The following AKAP6 variants were observed in gnomAD, a reference collection of about 807,000 sequenced individuals.
The protein encoded by AKAP6 is A-kinase anchor protein 6.
AKAP6 carries 58 observed loss-of-function variants against 188.5 expected under a neutral mutation model. That is an observed-to-expected ratio of 0.31 (90% CI 0.25 to 0.38). The LOEUF (loss-of-function observed/expected upper bound fraction) is 0.38. AKAP6 is among the 10% of genes least tolerant of loss of function. The pLI, the probability that AKAP6 is intolerant of heterozygous loss-of-function variation, is 1.00. For synonymous variants in AKAP6, 989 were observed against 998.6 expected (o/e 0.99, Z 0.18); for missense variants, 2,710 against 2,740.0 (o/e 0.99, Z 0.24).
At chr14:32,683,375 A>C (rs969593843) in intron 8 of AKAP6, among the ~76,000 whole-genome samples, 1 of 152,150 alleles carries the variant, frequency 6.6e-6, no homozygotes, top group African/African-American at 2.4e-5. Context: ...TTAATGGAGC[A>C]TGTGGAGACT....
intron 5 of AKAP6, among the ~76,000 whole-genome samples, chr14:32,586,695 G>A (rs913148440): frequency 5.9e-5 from 9 of 152,122 alleles, no homozygotes; most frequent in South Asian, 2.1e-4. Context: ...GTAATAATTC[G>A]AAGTCAATAA....
At chr14:32,763,618 G>T (rs2032610287) in intron 11 of AKAP6, among the ~76,000 whole-genome samples, 1 of 152,082 alleles carries the variant, frequency 6.6e-6, no homozygotes, top group African/African-American at 2.4e-5. Context: ...CAATATTTCT[G>T]CCTGACTCCT....
chr14:32,573,573 T>A (rs1884587104), intron 4 of AKAP6, among the ~76,000 whole-genome samples: 1 of 152,182 alleles, frequency 6.6e-6, no homozygotes, highest in Admixed American at 6.5e-5. Context: ...CTGCTGAAAT[T>A]TTTGCCACAA....
At chr14:32,347,811 A>T (rs1466181562) in intron 1 of AKAP6, among the ~76,000 whole-genome samples, 1 of 152,224 alleles carries the variant, frequency 6.6e-6, no homozygotes, top group Non-Finnish European at 1.5e-5. Flanking sequence ...TAATAGTCCA[A>T]CGTTAAAAAG....
At chr14:32,726,223 T>C (rs1345999667) in intron 9 of AKAP6, 3 of 980,998 alleles carry the variant, frequency 3.1e-6, no homozygotes, top group Non-Finnish European at 3.6e-6. Context: ...AGGAGAAAAC[T>C]TAGAAGTGAG....
At chr14:32,746,486 G>A (rs528623146) in intron 11 of AKAP6, among the ~76,000 whole-genome samples, 12 of 152,222 alleles carry the variant, frequency 7.9e-5, no homozygotes, top group African/African-American at 2.2e-4. Context: ...GTCCTGGAAC[G>A]GGGGCCTTAA....
chr14:32,538,226 A>G (rs1882771796), intron 3 of AKAP6, among the ~76,000 whole-genome samples: 1 of 152,208 alleles, frequency 6.6e-6, no homozygotes, highest in Non-Finnish European at 1.5e-5. Context: ...TGCTAGCACA[A>G]TGGAATTGTA....
chr14:32,614,372 T>C (rs981413322), intron 7 of AKAP6, among the ~76,000 whole-genome samples: 3 of 152,222 alleles, frequency 2.0e-5, no homozygotes, highest in African/African-American at 7.2e-5. Flanking sequence ...ATGAAATCTC[T>C]GGAAAGCCTG....
rs937262604 is a variant in AKAP6 at position 32,513,692 on chromosome 14, G to A, written c.325-21862G>A. Among the ~76,000 whole-genome samples, 4 of 151,804 alleles carry A rather than the reference G, an allele frequency of 2.6e-5. No homozygotes were observed. In the South Asian group the frequency reaches 6.2e-4, roughly 24 times the overall value. On this transcript the variant is annotated intron_variant, in intron 2 of 13. Coordinates refer to ENST00000280979, the MANE Select transcript of AKAP6 (RefSeq NM_004274.5). ...ATTTTTTTTCTTATTTCTCACAAAA[G>A]AAATACATCTCTAGTGGAGAAAAAT... is the stretch of plus-strand genomic sequence containing the variant.
chr14:32,824,067 C>T lies in AKAP6; in HGVS notation c.6254C>T (p.Thr2085Ile), dbSNP rs1158673196. The T allele has an allele frequency of 3.3e-5, 53 of 1,613,792 alleles. No individual in the cohort carries two copies. The highest frequency in any genetic ancestry group is 4.5e-5 in the Non-Finnish European group (53 of 1,179,928). ...SQPENEVAAPTSLTQIKEKVL... is the reference protein window; with the variant it reads ...SQPENEVAAPISLTQIKEKVL... ...CCTGAAAACGAGGTGGCTGCTCCTA[C>T]TTCATTAACTCAAATCAAGGAGAAA... Residue 2085 changes from threonine to isoleucine, a missense_variant, in exon 13 of 14, where the codon ACT becomes ATT. By Grantham distance (89) the Thr-to-Ile change is moderately conservative (BLOSUM62 -1). Around this residue, in one of 2 missense-constraint regions of AKAP6, gnomAD observed 2,473 missense variants for 2,426.1 expected, o/e 1.02. Transcript: ENST00000280979.
Position 32,546,367 on chromosome 14 carries a change from A to T in AKAP6, c.1714A>T (p.Thr572Ser), listed in dbSNP as rs779603009. 4.3e-6 allele frequency: 7 copies of T among 1,614,196 alleles called. No homozygotes were observed. Among genetic ancestry groups the T allele is most frequent in the Non-Finnish European group, 5.9e-6 (7 of 1,180,034 alleles). The change falls in exon 4 of 14, where the codon ACA becomes TCA. Residue 572 changes from threonine (T) to serine (S), a missense_variant. By Grantham distance (58) the Thr-to-Ser change is moderately conservative. Transcript: ENST00000280979. Reference protein sequence around the residue: ...WNAKLQLQSETSSSPAFTQSS... With the variant: ...WNAKLQLQSESSSSPAFTQSS... ...TGCCAAATTGCAATTGCAGTCAGAA[A>T]CATCCAGTTCACCAGCTTTTACTCA...
intron 3 of AKAP6, among the ~76,000 whole-genome samples, chr14:32,541,404 C>T (rs1200539351): frequency 6.6e-6 from 1 of 151,924 alleles, no homozygotes; most frequent in African/African-American, 2.4e-5. Context: ...TCGAGCAAGA[C>T]AGTACCCTGG....
chr14:32,427,421 A>G (rs984898965), intron 1 of AKAP6, among the ~76,000 whole-genome samples: 1 of 152,186 alleles, frequency 6.6e-6, no homozygotes, highest in Non-Finnish European at 1.5e-5. Context: ...AATACTTGGC[A>G]GCAACTCTTT....
intron 2 of AKAP6, among the ~76,000 whole-genome samples, chr14:32,434,423 G>T (rs1280627673): frequency 6.6e-6 from 1 of 152,196 alleles, no homozygotes; most frequent in Non-Finnish European, 1.5e-5. Flanking sequence ...TAATGAAATG[G>T]AGTTGCTAGT....
chr14:32,397,374 T>A (rs1025978922), intron 1 of AKAP6, among the ~76,000 whole-genome samples: 2 of 148,756 alleles, frequency 1.3e-5, no homozygotes, highest in Non-Finnish European at 3.0e-5. Context: ...CACTTTTTAT[T>A]GTCTTTTTTT....
Position 32,568,911 on chromosome 14 carries a change from A to G in AKAP6, c.2347-8209A>G, listed in dbSNP as rs780784557. On this transcript the variant is annotated intron_variant, in intron 4 of 13. Transcript: ENST00000280979. The surrounding 1 kb of genome is among the most constrained non-coding windows in gnomAD (Gnocchi z 6.2). ...TTTTTATTAGACTTTGATGATATGC[A>G]TTCCAATCTTGTTTTGCCCTTAGAA... 3.9e-4 allele frequency among the ~76,000 whole-genome samples: 60 copies of G among 152,260 alleles called. 1 individual carries two copies. The Middle Eastern group carries it at 0.014, about 35-fold the overall frequency.
intron 2 of AKAP6, among the ~76,000 whole-genome samples, chr14:32,458,357 A>G (rs1457477478): frequency 6.6e-6 from 1 of 152,160 alleles, no homozygotes; most frequent in Admixed American, 6.5e-5. Context: ...TAAAGTAAGG[A>G]TAAATACTGA....
chr14:32,368,051 C>CT (rs1342807583), intron 1 of AKAP6, among the ~76,000 whole-genome samples: 1 of 152,076 alleles, frequency 6.6e-6, no homozygotes, highest in Non-Finnish European at 1.5e-5. Flanking sequence ...CATGTTTAAT[C>CT]TTTTTTCTAG....
intron 1 of AKAP6, among the ~76,000 whole-genome samples, chr14:32,382,579 G>A (rs3784178): frequency 6.6e-6 from 1 of 152,220 alleles, no homozygotes; most frequent in Admixed American, 6.5e-5. Context: ...TAGAAAATTT[G>A]TTGAGTGCTT....
Sources: allele counts gnomAD v4.1 joint callset (sites outside exome capture counted in the v4.1 genomes callset), GRCh38; gene constraint gnomAD v4.1.1; regional missense constraint gnomAD v4.1.1; non-coding constraint Gnocchi (gnomAD v3.1); transcripts MANE v1.5; gene names NCBI Gene and HGNC (gene_info 2026-07-23, HGNC 2026-07-21).